The following CDKAL1 variants were observed in gnomAD, a reference collection of about 807,000 sequenced individuals.
The protein encoded by CDKAL1 is CDKAL1 threonylcarbamoyladenosine tRNA methylthiotransferase.
A neutral mutation model predicts 68.2 loss-of-function variants in CDKAL1; 32 were observed. The ratio of observed to expected loss-of-function variants is 0.47; its 90% CI spans 0.35 to 0.63. The LOEUF is 0.63. Among genes scored for constraint, CDKAL1 ranks in the 30% least tolerant of loss-of-function variants. CDKAL1 has a pLI of 0.00. For synonymous variants in CDKAL1, 234 were observed against 244.3 expected (o/e 0.96, Z 0.39); for missense variants, 606 against 696.7 (o/e 0.87, Z 1.47).
At chr6:20,950,253 T>G (rs998288058) in intron 9 of CDKAL1, among the ~76,000 whole-genome samples, 8 of 152,124 alleles carry the variant, frequency 5.3e-5, no homozygotes, top group Admixed American at 3.9e-4. Context: ...GCCTCCTGAG[T>G]AGCTGGGATT....
chr6:21,140,533 A>G (rs1172397435), intron 13 of CDKAL1, among the ~76,000 whole-genome samples: 2 of 152,160 alleles, frequency 1.3e-5, no homozygotes, highest in African/African-American at 4.8e-5. Flanking sequence ...CAAATTATCC[A>G]TCTACCCAAG....
intron 13 of CDKAL1, among the ~76,000 whole-genome samples, chr6:21,161,595 G>A (rs1247646062): frequency 6.6e-6 from 1 of 151,852 alleles, no homozygotes; most frequent in East Asian, 1.9e-4. Context: ...TATTTATAGG[G>A]GTGATCTACG....
At chr6:21,072,676 C>CTTTTTTT (rs66763305) in intron 12 of CDKAL1, among the ~76,000 whole-genome samples, 13 of 131,080 alleles carry the variant, frequency 9.9e-5, no homozygotes, top group African/African-American at 1.4e-4. Flanking sequence ...AATAGAGTAT[C>CTTTTTTT]TTTTTTTTTT....
chr6:20,983,743 T>C (rs1053738970), intron 10 of CDKAL1, among the ~76,000 whole-genome samples: 2 of 152,118 alleles, frequency 1.3e-5, no homozygotes, highest in Non-Finnish European at 1.5e-5. Context: ...AAAAGCTACA[T>C]AATATATATC....
At chr6:20,537,508 A>C (rs1016469548) in intron 2 of CDKAL1, among the ~76,000 whole-genome samples, 4 of 151,424 alleles carry the variant, frequency 2.6e-5, no homozygotes, top group African/African-American at 9.7e-5. Context: ...CGGGAGGCTG[A>C]GGCAGGAGAA....
intron 4 of CDKAL1, among the ~76,000 whole-genome samples, chr6:20,641,176 C>T (rs1581877029): frequency 6.6e-6 from 1 of 152,172 alleles, no homozygotes; most frequent in East Asian, 1.9e-4. Context: ...CACTGTTTTT[C>T]TGATGGATCA....
At chr6:20,908,833 G>C (rs936077570) in intron 9 of CDKAL1, among the ~76,000 whole-genome samples, 3 of 152,042 alleles carry the variant, frequency 2.0e-5, no homozygotes, top group African/African-American at 7.2e-5. Flanking sequence ...TTATTTCTTG[G>C]TTATTTTTCT....
At chr6:20,626,613 A>G (rs771169599) in intron 4 of CDKAL1, among the ~76,000 whole-genome samples, 3 of 152,130 alleles carry the variant, frequency 2.0e-5, no homozygotes, top group Non-Finnish European at 1.5e-5. Flanking sequence ...CAGAATACCC[A>G]ATCGATAGTG....
At chr6:21,129,553 C>A (rs7766575) in intron 13 of CDKAL1, among the ~76,000 whole-genome samples, 1,522 of 152,064 alleles carry the variant, frequency 0.01, 25 homozygotes, top group African/African-American at 0.034. Context: ...ACAGTTCCTG[C>A]ACCTTAGAAT....
chr6:21,043,696 C>T (rs898292536), intron 11 of CDKAL1, among the ~76,000 whole-genome samples: 1 of 152,054 alleles, frequency 6.6e-6, no homozygotes, highest in Non-Finnish European at 1.5e-5. Context: ...TACTTTCTGT[C>T]GTATTCGGTT....
chr6:20,948,983 A>G (rs1460216487), intron 9 of CDKAL1, among the ~76,000 whole-genome samples: 1 of 152,230 alleles, frequency 6.6e-6, no homozygotes. Flanking sequence ...TTTGAAAGAA[A>G]TAAGTTGTTT....
chr6:20,606,432 C>G (rs1246260232), intron 4 of CDKAL1, among the ~76,000 whole-genome samples: 1 of 152,126 alleles, frequency 6.6e-6, no homozygotes, highest in African/African-American at 2.4e-5. Flanking sequence ...GGCCGGATTG[C>G]TTCTGCAGGT....
intron 4 of CDKAL1, among the ~76,000 whole-genome samples, chr6:20,612,205 G>A (rs550026170): frequency 6.6e-6 from 1 of 152,284 alleles, no homozygotes; most frequent in African/African-American, 2.4e-5. Flanking sequence ...TAGTGCTGCA[G>A]TGAACATGGA....
intron 10 of CDKAL1, among the ~76,000 whole-genome samples, chr6:20,972,959 T>C (rs1342572841): frequency 6.6e-6 from 1 of 151,870 alleles, no homozygotes. Context: ...GGATGCTATA[T>C]AAATTGAAGA....
intron 13 of CDKAL1, among the ~76,000 whole-genome samples, chr6:21,135,335 T>C (rs1427699089): frequency 6.6e-6 from 1 of 152,214 alleles, no homozygotes; most frequent in Non-Finnish European, 1.5e-5. Context: ...CATGAGATAA[T>C]GCATGTGTGT....
intron 9 of CDKAL1, among the ~76,000 whole-genome samples, chr6:20,860,357 G>A (rs956633709): frequency 2.0e-5 from 3 of 152,192 alleles, no homozygotes; most frequent in Non-Finnish European, 2.9e-5. Context: ...GGGATTACAG[G>A]CATGAGCCAC....
At chr6:20,784,403 A>ATTTTTT (rs1158168671) in intron 8 of CDKAL1, among the ~76,000 whole-genome samples, 2 of 38,572 alleles carry the variant, frequency 5.2e-5, no homozygotes, top group Non-Finnish European at 1.1e-4. Context: ...TCTTCCAGAT[A>ATTTTTT]TTTTATTTCT....
chr6:20,880,925 G>A (rs886252354), intron 9 of CDKAL1, among the ~76,000 whole-genome samples: 3 of 152,196 alleles, frequency 2.0e-5, no homozygotes, highest in African/African-American at 4.8e-5. Flanking sequence ...TTTTTGGCAA[G>A]GGACCATCGG....
chr6:20,775,707 T>A (rs1775142249), intron 7 of CDKAL1, among the ~76,000 whole-genome samples: 1 of 152,236 alleles, frequency 6.6e-6, no homozygotes. Context: ...AGTTTTAGTT[T>A]GTTTTAGATG....
Sources: allele counts gnomAD v4.1 joint callset (sites outside exome capture counted in the v4.1 genomes callset), GRCh38; gene constraint gnomAD v4.1.1; transcripts MANE v1.5; gene names NCBI Gene and HGNC (gene_info 2026-07-23, HGNC 2026-07-21).